The following TP63 variants were observed in gnomAD, a reference collection of about 807,000 sequenced individuals.
The protein encoded by TP63 is tumor protein p63, also known as tumor protein 63.
Under a neutral mutation model 82.8 loss-of-function variants are expected in TP63, and 17 were observed. That is an observed-to-expected ratio of 0.21 (90% CI 0.14 to 0.31). The LOEUF (loss-of-function observed/expected upper bound fraction) is 0.31, where lower values mean the gene tolerates loss of function less well. Among genes scored for constraint, TP63 ranks in the 10% least tolerant of loss-of-function variants. TP63 has a pLI of 1.00. For missense variants in TP63, 648 were observed against 895.3 expected (o/e 0.72, Z 3.52); for synonymous variants, 330 against 321.7 (o/e 1.03, Z -0.28).
At chr3:189,615,485 TG>T in the TP63 span, among the ~76,000 whole-genome samples, 3 of 152,242 alleles carry the variant, frequency 2.0e-5, no homozygotes, top group African/African-American at 7.2e-5. Context: ...AACATAATTT[TG>T]TGTGTTTGGT....
the TP63 span, among the ~76,000 whole-genome samples, chr3:189,618,220 A>G: frequency 3.3e-5 from 5 of 152,190 alleles, no homozygotes; most frequent in Non-Finnish European, 4.4e-5. Context: ...GCCACACTAT[A>G]TATACTTACA....
At position 189,689,038 on chromosome 3, in the gene TP63, C is replaced by T. The variant is rs190988660; in HGVS notation, c.63-48702C>T. On this transcript the variant is annotated intron_variant, in intron 1 of 13. Transcript: ENST00000264731. Reference sequence around the variant, plus strand: ...TTTGGGACTCCTGGAATATCTTCCACCATACTCTTCTAATTTCATCAACAC... The same window carrying T: ...TTTGGGACTCCTGGAATATCTTCCATCATACTCTTCTAATTTCATCAACAC... 1.6e-3 allele frequency among the ~76,000 whole-genome samples: 236 copies of T among 147,254 alleles called. 3 individuals carry two copies. Among genetic ancestry groups the T allele is most frequent in the Middle Eastern group, 0.014 (4 of 286 alleles).
intron 4 of TP63, among the ~76,000 whole-genome samples, chr3:189,846,614 GTGT>G (rs1714907166): frequency 5.5e-5 from 2 of 36,326 alleles, no homozygotes; most frequent in East Asian, 8.6e-4. Context: ...CCAGTAGGGT[GTGT>G]GTGTGTGTGT....
chr3:189,891,070 T>C (rs1223920561), intron 13 of TP63, among the ~76,000 whole-genome samples, 188 bp downstream of exon 13: 1 of 152,238 alleles, frequency 6.6e-6, no homozygotes. Flanking sequence ...TATTAGAAGC[T>C]TAGCAATCAA....
chr3:189,881,022 C>T (rs1017729059), intron 10 of TP63: 10 of 985,236 alleles, frequency 1.0e-5, no homozygotes, highest in South Asian at 4.7e-5. Context: ...ATTGCCCTTA[C>T]GTAGTTGTTT....
intron 1 of TP63, among the ~76,000 whole-genome samples, chr3:189,646,635 C>T (rs9827991): frequency 0.38 from 55,308 of 145,352 alleles, 13,817 homozygotes; most frequent in East Asian, 0.48. Context: ...TTCCCTTTCA[C>T]GACACATTGC....
At chr3:189,874,851 A>G (rs777752859) in intron 10 of TP63, among the ~76,000 whole-genome samples, 2 of 152,300 alleles carry the variant, frequency 1.3e-5, no homozygotes, top group Non-Finnish European at 2.9e-5. Flanking sequence ...TATGTGTGTC[A>G]TGGTATTAAG....
chr3:189,824,257 C>T (rs987961121), intron 4 of TP63, among the ~76,000 whole-genome samples: 1 of 151,830 alleles, frequency 6.6e-6, no homozygotes, highest in Non-Finnish European at 1.5e-5. Context: ...CGCTCCGTCA[C>T]CCAGGCTGGA....
intron 10 of TP63, chr3:189,880,206 G>T (rs1719759248): frequency 6.2e-7 from 1 of 1,607,858 alleles, no homozygotes; most frequent in African/African-American, 1.3e-5. Context: ...TTAAGTGTGT[G>T]TGTTGTATTT....
At chr3:189,875,593 CATATATATATATATATATATATATAT>C (rs774764336) in intron 10 of TP63, among the ~76,000 whole-genome samples, 15 of 40,760 alleles carry the variant, frequency 3.7e-4, no homozygotes, top group East Asian at 1.9e-3. Flanking sequence ...AAAATACATA[CATATATATATATATATATATATATAT>C]ATATATATAT....
In TP63 at chr3:189,804,702, A is replaced by AG. The variant is rs199656678; in HGVS notation, c.325-3570_325-3569insG. On this transcript the variant is annotated intron_variant, in intron 3 of 13. Transcript: ENST00000264731. Reference sequence around the variant, plus strand: ...TATTGATTTTTAATAAACTAAGAAAATATGTAAATGGATTTCCAGTCATTC... The same window carrying AG: ...TATTGATTTTTAATAAACTAAGAAAAGTATGTAAATGGATTTCCAGTCATTC... Among the ~76,000 whole-genome samples, 1,008 of 152,364 alleles carry AG rather than the reference A, an allele frequency of 6.6e-3. 8 individuals are homozygous for AG. The highest frequency in any genetic ancestry group is 0.023 in the African/African-American group (966 of 41,580).
chr3:189,884,122 T>C (rs1720198274), intron 10 of TP63, among the ~76,000 whole-genome samples: 1 of 152,152 alleles, frequency 6.6e-6, no homozygotes. Flanking sequence ...CCTGGAATCT[T>C]AGGTACTTTT....
chr3:189,752,215 C>A (rs1057357467), intron 3 of TP63, among the ~76,000 whole-genome samples: 1 of 152,138 alleles, frequency 6.6e-6, no homozygotes, highest in East Asian at 1.9e-4. Context: ...CCCTCTTCAC[C>A]CAGGCTGGAG....
intron 3 of TP63, among the ~76,000 whole-genome samples, chr3:189,741,644 C>T (rs975156968): frequency 1.3e-5 from 2 of 152,112 alleles, no homozygotes; most frequent in African/African-American, 4.8e-5. Flanking sequence ...CATGAAAAAA[C>T]ATGTCATATT....
At chr3:189,833,403 A>G (rs1343154448) in intron 4 of TP63, among the ~76,000 whole-genome samples, 1 of 152,250 alleles carries the variant, frequency 6.6e-6, no homozygotes, top group Non-Finnish European at 1.5e-5. Context: ...TTATGTAAGT[A>G]CAGTGTCTTC....
the TP63 span, among the ~76,000 whole-genome samples, chr3:189,606,160 A>G: frequency 6.6e-6 from 1 of 152,224 alleles, no homozygotes; most frequent in Non-Finnish European, 1.5e-5. Context: ...TGCAGTTTCC[A>G]GTCTAAATTC....
chr3:189,664,718 G>A (rs139445727), intron 1 of TP63, among the ~76,000 whole-genome samples: 123 of 152,180 alleles, frequency 8.1e-4, no homozygotes, highest in African/African-American at 2.9e-3. Flanking sequence ...GACTATTGCT[G>A]AATTGTATGC....
chr3:189,830,359 T>C (rs920772772), intron 4 of TP63, among the ~76,000 whole-genome samples: 3 of 152,134 alleles, frequency 2.0e-5, no homozygotes, highest in Non-Finnish European at 2.9e-5. Context: ...CTGATTTTCA[T>C]GGCAAGGGAT....
intron 3 of TP63, among the ~76,000 whole-genome samples, chr3:189,787,260 C>T (rs757658505): frequency 9.2e-5 from 14 of 152,028 alleles, no homozygotes; most frequent in Non-Finnish European, 1.8e-4. Flanking sequence ...CGAGTAAAAT[C>T]AGAGGAATAT....
Sources: allele counts gnomAD v4.1 joint callset (sites outside exome capture counted in the v4.1 genomes callset), GRCh38; gene constraint gnomAD v4.1.1; transcripts MANE v1.5; gene names NCBI Gene and HGNC (gene_info 2026-07-23, HGNC 2026-07-21).